Variants in SLC25A26 observed in about 807,000 individuals in gnomAD.
SLC25A26 encodes mitochondrial S-adenosylmethionine carrier protein.
Under a neutral mutation model 37.8 loss-of-function variants are expected in SLC25A26, and 36 were observed. The ratio of observed to expected loss-of-function variants is 0.95; its 90% CI spans 0.73 to 1.26. The LOEUF (loss-of-function observed/expected upper bound fraction) is 1.26, where lower values mean the gene tolerates loss of function less well. Ranked by LOEUF, SLC25A26 falls within the 50% of genes most tolerant of loss-of-function variation. The pLI is 0.00. For synonymous variants in SLC25A26, 129 were observed against 122.5 expected (o/e 1.05, Z -0.35); for missense variants, 390 against 331.1 (o/e 1.18, Z -1.38).
chr3:66,249,661 A>G (rs979682465), intron 3 of SLC25A26, among the ~76,000 whole-genome samples: 1 of 152,268 alleles, frequency 6.6e-6, no homozygotes, highest in African/African-American at 2.4e-5. Flanking sequence ...TGAAATATTC[A>G]TCGATCAATA....
chr3:66,153,054 C>T (rs773740331), intron 1 of SLC25A26, among the ~76,000 whole-genome samples: 1 of 152,154 alleles, frequency 6.6e-6, no homozygotes, highest in Non-Finnish European at 1.5e-5. Context: ...AGCCATTTAC[C>T]TAAAACATAC....
At chr3:66,307,200 A>T (rs2075250894) in intron 5 of SLC25A26, among the ~76,000 whole-genome samples, 1 of 152,178 alleles carries the variant, frequency 6.6e-6, no homozygotes, top group African/African-American at 2.4e-5. Context: ...CGTCATTGTA[A>T]CTGGAGTGAG....
chr3:66,276,206 C>T (rs2074139738), intron 5 of SLC25A26, among the ~76,000 whole-genome samples: 1 of 152,096 alleles, frequency 6.6e-6, no homozygotes, highest in African/African-American at 2.4e-5. Context: ...AATCCTTAAA[C>T]TGTAAGACAT....
intron 5 of SLC25A26, among the ~76,000 whole-genome samples, chr3:66,343,434 A>AC (rs2076253254): frequency 6.6e-6 from 1 of 152,242 alleles, no homozygotes; most frequent in African/African-American, 2.4e-5. Context: ...TGTTTTAGAG[A>AC]GTAAAGCTGG....
chr3:66,236,994 G>A (rs2072323016), intron 2 of SLC25A26, among the ~76,000 whole-genome samples: 1 of 151,982 alleles, frequency 6.6e-6, no homozygotes, highest in Admixed American at 6.6e-5. Context: ...GCACCACCAT[G>A]CCCAGCTAAT....
At chr3:66,319,579 A>G (rs2075636483) in intron 5 of SLC25A26, among the ~76,000 whole-genome samples, 1 of 152,002 alleles carries the variant, frequency 6.6e-6, no homozygotes, top group South Asian at 2.1e-4. Context: ...TCTGCCTTTC[A>G]AAGTTGATCT....
At chr3:66,357,228 A>G (rs990893195) in intron 6 of SLC25A26, among the ~76,000 whole-genome samples, 1 of 152,154 alleles carries the variant, frequency 6.6e-6, no homozygotes, top group African/African-American at 2.4e-5. Flanking sequence ...ACCCTGGGCA[A>G]ACATAGCAAG....
At position 66,377,685 on chromosome 3, in the gene SLC25A26, C is replaced by T. The variant is rs780760002; in HGVS notation, c.708-5C>T. On this transcript the variant is annotated splice_polypyrimidine_tract_variant and splice_region_variant and intron_variant, in intron 9 of 9. Transcript: ENST00000354883. ...CAACATTAAAAATCCTGTTTTTTCC[C>T]CTAGATTATTTGCAGGTGTCTTCCC... The T allele has an allele frequency of 1.3e-5, 21 of 1,607,524 alleles. No homozygotes were observed. The highest frequency in any genetic ancestry group is 1.5e-5 in the Non-Finnish European group (18 of 1,175,502).
At chr3:66,271,812 TTGTC>T (rs1320142939) in intron 5 of SLC25A26, among the ~76,000 whole-genome samples, 3 of 152,148 alleles carry the variant, frequency 2.0e-5, no homozygotes, top group Admixed American at 6.6e-5. Context: ...CCATGAGTAA[TTGTC>T]TGTACCACTA....
At chr3:66,363,254 G>A (rs2076753080) in intron 7 of SLC25A26, among the ~76,000 whole-genome samples, 1 of 152,150 alleles carries the variant, frequency 6.6e-6, no homozygotes, top group African/African-American at 2.4e-5. Flanking sequence ...GTGGGTGCAG[G>A]GCTCACCATG....
chr3:66,228,453 T>G (rs1483850725), intron 1 of SLC25A26, among the ~76,000 whole-genome samples: 1 of 152,254 alleles, frequency 6.6e-6, no homozygotes, highest in African/African-American at 2.4e-5. Flanking sequence ...AGACAAAATT[T>G]GGGTAACATT....
chr3:66,183,505 T>C (rs1383513892), intron 1 of SLC25A26, among the ~76,000 whole-genome samples: 1 of 151,980 alleles, frequency 6.6e-6, no homozygotes, highest in Non-Finnish European at 1.5e-5. Context: ...ACACTTACCC[T>C]CTCAATTTAA....
In SLC25A26 at chr3:66,363,290, AG is replaced by A. The variant is rs1575611501; in HGVS notation, c.568+366del. The stretch of plus-strand genomic sequence containing the variant: ...CAGCTGTCTGCCTTGGGCAGTGCTT[AG>A]GGGGTTTAAGCGATTTCTGCAGAAG... On this transcript the variant is annotated intron_variant, in intron 7 of 9. Coordinates refer to ENST00000354883, the MANE Select transcript of SLC25A26 (RefSeq NM_001379210.1). Among the ~76,000 whole-genome samples the A allele has an allele frequency of 2.0e-5, 3 of 152,320 alleles. No homozygotes were observed. The East Asian group carries it at 5.8e-4, about 29-fold the overall frequency.
chr3:66,264,725 C>CA (rs1440555600), intron 5 of SLC25A26, among the ~76,000 whole-genome samples: 4 of 152,130 alleles, frequency 2.6e-5, no homozygotes, highest in Admixed American at 6.5e-5. Flanking sequence ...TCCCTGGTGC[C>CA]AAAAAGGTTG....
intron 5 of SLC25A26, among the ~76,000 whole-genome samples, chr3:66,303,126 G>T (rs141053767): frequency 6.4e-4 from 98 of 152,258 alleles, no homozygotes; most frequent in African/African-American, 2.2e-3. Flanking sequence ...AGTTATCATG[G>T]TCTAGTCACT....
rs2107843731 is a variant in SLC25A26 at position 66,370,566 on chromosome 3, T to C, written c.671T>C (p.Val224Ala). 4.3e-6 allele frequency: 7 copies of C among 1,613,976 alleles called. No individual in the cohort carries two copies. The highest frequency in any genetic ancestry group is 5.9e-6 in the Non-Finnish European group (7 of 1,179,876). Residue 224 changes from valine (V) to alanine (A), a missense_variant, in exon 9 of 10, where the codon GTC (valine) becomes GCC (alanine). Val to Ala is a moderately conservative substitution (Grantham distance 64). Transcript: ENST00000354883. Reference protein sequence around the residue: ...SSTADGNVLSVLHGVWRSQGL... With the variant: ...SSTADGNVLSALHGVWRSQGL... Reference sequence around the variant, plus strand: ...ACTGCTGATGGGAATGTGCTCTCTGTCCTGCATGGGGTCTGGCGGTCACAG... The same window carrying C: ...ACTGCTGATGGGAATGTGCTCTCTGCCCTGCATGGGGTCTGGCGGTCACAG...
intron 9 of SLC25A26, among the ~76,000 whole-genome samples, chr3:66,377,136 A>G (rs1397564127): frequency 6.6e-6 from 1 of 152,202 alleles, no homozygotes; most frequent in Non-Finnish European, 1.5e-5. Flanking sequence ...TGCTCTGATT[A>G]TTCTACATTG....
intron 3 of SLC25A26, among the ~76,000 whole-genome samples, chr3:66,245,759 C>T (rs1324568546): frequency 2.0e-5 from 3 of 152,032 alleles, no homozygotes; most frequent in African/African-American, 4.8e-5. Flanking sequence ...AGAGGTAACA[C>T]AAAAGTAAAA....
intron 1 of SLC25A26, among the ~76,000 whole-genome samples, chr3:66,167,870 C>G (rs2070445578): frequency 6.6e-6 from 1 of 152,014 alleles, no homozygotes. Flanking sequence ...TATAGCTACT[C>G]TGGCTGGGTG....
Sources: gnomAD v4.1 joint callset for allele counts (sites outside exome capture counted in the v4.1 genomes callset) on GRCh38, gnomAD v4.1.1 for gene constraint, MANE v1.5 for transcripts, NCBI Gene and HGNC (gene_info 2026-07-23, HGNC 2026-07-21) for gene names.